The following SERINC5 variants were observed in gnomAD, a reference collection of about 807,000 sequenced individuals.
The protein encoded by SERINC5 is serine incorporator 5, also known as chromosome 5 open reading frame 12.
SERINC5 carries 41 observed loss-of-function variants against 63.1 expected under a neutral mutation model. The observed-to-expected ratio is 0.65, with a 90% CI of 0.51 to 0.84. SERINC5 has a LOEUF of 0.84. Among genes scored for constraint, SERINC5 ranks in the 40% least tolerant of loss-of-function variants. SERINC5 has a pLI of 0.00. For missense variants in SERINC5, 523 were observed against 573.0 expected, an observed-to-expected ratio of 0.91 and a Z score of 0.89; for synonymous variants, 222 against 215.2, an observed-to-expected ratio of 1.03 and a Z score of -0.28.
chr5:80,198,837 G>A (rs1190476617), intron 2 of SERINC5, among the ~76,000 whole-genome samples: 2 of 152,210 alleles, frequency 1.3e-5, no homozygotes, highest in South Asian at 4.1e-4. Context: ...CATTCCCTAC[G>A]CAGGACACCC....
At position 80,181,094 on chromosome 5, in the gene SERINC5, C is replaced by A. The variant is rs1748386739; in HGVS notation, c.196-3030G>T. Among the ~76,000 whole-genome samples the A allele has an allele frequency of 2.6e-5, 4 of 152,242 alleles. No homozygotes were observed. The South Asian group carries it at 8.3e-4, about 32-fold the overall frequency. ...GCTTTGACACAAGGTTGGGAAGTCG[C>A]AGCTATCTACTGGGCAGGGGGGCAA... On this transcript the variant is annotated intron_variant, in intron 2 of 11. Transcript: ENST00000507668.
chr5:80,128,207 TA>T (rs1744816535), intron 11 of SERINC5, among the ~76,000 whole-genome samples: 1 of 152,216 alleles, frequency 6.6e-6, no homozygotes, highest in African/African-American at 2.4e-5. Context: ...TTTCTGGCAA[TA>T]AGAAGATATT....
chr5:80,188,505 T>C (rs904449717), intron 2 of SERINC5, among the ~76,000 whole-genome samples: 8 of 152,070 alleles, frequency 5.3e-5, no homozygotes, highest in Non-Finnish European at 1.2e-4. Context: ...TCTAGACCCT[T>C]TGCTGTGCCA....
chr5:80,187,123 G>A (rs1026978439), intron 2 of SERINC5, among the ~76,000 whole-genome samples: 6 of 151,956 alleles, frequency 3.9e-5, no homozygotes, highest in African/African-American at 1.5e-4. Flanking sequence ...CTGAGATCAC[G>A]CCACTGCACT....
intron 11 of SERINC5, among the ~76,000 whole-genome samples, chr5:80,129,797 A>C (rs1744871877): frequency 6.6e-6 from 1 of 152,212 alleles, no homozygotes. Flanking sequence ...AATAGTTGAA[A>C]CTATTATTAA....
intron 2 of SERINC5, chr5:80,198,663 G>T: frequency 1.0e-6 from 1 of 985,394 alleles, no homozygotes; most frequent in Non-Finnish European, 1.2e-6. Context: ...CCCAGTGTGC[G>T]TCCCTACAAG....
chr5:80,242,945 T>C, intron 1 of SERINC5, among the ~76,000 whole-genome samples: 1 of 152,178 alleles, frequency 6.6e-6, no homozygotes, highest in Admixed American at 6.6e-5. Context: ...ATTGTTACAT[T>C]TCTTCCCTGC....
Position 80,198,615 on chromosome 5 carries a change from C to T in SERINC5, c.195+4271G>A, listed in dbSNP as rs149349866. On this transcript the variant is annotated intron_variant, in intron 2 of 11. Transcript: ENST00000507668. ...TTCCAGTCACAGTCTCAGGCACTTC[C>T]ACGGCCAACAAAGAGGGGGTAAGGA... 39 of 985,426 alleles carry T rather than the reference C, an allele frequency of 4.0e-5. No individual in the cohort carries two copies. The African/African-American group carries it at 5.1e-4, about 13-fold the overall frequency. The allele number at this position is 985,426 out of a possible 1,614,324, so 61.0% of individuals were successfully genotyped here. A position where few individuals can be genotyped will look rare whatever the true frequency, so the allele number is the denominator to read the frequency against.
Position 80,143,527 on chromosome 5 carries a change from A to AC in SERINC5, c.*135_*136insG. 9.2e-7 allele frequency: 1 copy of AC among 1,084,136 alleles called. No individual in the cohort carries two copies. 67.2% of individuals were successfully genotyped at this position (1,084,136 alleles called of 1,614,324 possible). ...TCAAAAGTAAAAAGCTAATCAGGAGATTTTTTTTTTTCTCTCTCAAAGCTT... is the reference window on the plus strand; with the variant it reads ...TCAAAAGTAAAAAGCTAATCAGGAGACTTTTTTTTTTTCTCTCTCAAAGCTT... On this transcript the variant is annotated 3_prime_UTR_variant, in exon 12 of 12. Transcript: ENST00000507668.
intron 1 of SERINC5, among the ~76,000 whole-genome samples, chr5:80,237,861 T>C (rs1219533732): frequency 4.0e-5 from 6 of 151,626 alleles, no homozygotes; most frequent in African/African-American, 1.5e-4. Flanking sequence ...CCCAGCACTT[T>C]GGGGAGGCCA....
intron 1 of SERINC5, among the ~76,000 whole-genome samples, chr5:80,224,903 C>T (rs1386177006): frequency 1.4e-5 from 2 of 148,112 alleles, no homozygotes; most frequent in African/African-American, 2.5e-5. Context: ...GAATTACAGG[C>T]GTGAGCCATC....
At chr5:80,200,391 CAGG>C (rs1376287585) in intron 2 of SERINC5, among the ~76,000 whole-genome samples, 1 of 151,144 alleles carries the variant, frequency 6.6e-6, no homozygotes, top group Non-Finnish European at 1.5e-5. Flanking sequence ...GAGGCTGAGG[CAGG>C]AGAATGGCGT....
chr5:80,253,696 G>A lies in SERINC5; in HGVS notation c.27+2200C>T, dbSNP rs575156802. ...CACAGGCATCTTCTCAGACTCCCTC[G>A]GCAACCCTCCTCAAGGCTGCTTACC... On this transcript the variant is annotated intron_variant, in intron 1 of 11. Transcript: ENST00000507668. Among the ~76,000 whole-genome samples, 8 of 152,092 alleles carry A rather than the reference G, an allele frequency of 5.3e-5. No individual in the cohort carries two copies. In the South Asian group the frequency reaches 1.5e-3, roughly 28 times the overall value.
At chr5:80,112,097 T>C (rs913893338) in intron 12 of SERINC5, among the ~76,000 whole-genome samples, 8 of 152,054 alleles carry the variant, frequency 5.3e-5, no homozygotes, top group Non-Finnish European at 7.4e-5. Context: ...CCTCATGGGA[T>C]GGGAAAGACC....
In SERINC5 at chr5:80,138,776, T is replaced by C. The variant is rs1745329012; in HGVS notation, c.*4887A>G. The C allele has an allele frequency of 5.1e-6, 5 of 976,216 alleles. No homozygotes were observed. The highest frequency in any genetic ancestry group is 6.1e-6 in the Non-Finnish European group (5 of 821,578). The allele number at this position is 976,216 out of a possible 1,614,324, so 60.5% of individuals were successfully genotyped here. ...TTATTTGTCAATTAAAGGATCAGCA[T>C]AGACTCCATGAAACTTGAGAGACCT... On this transcript the variant is annotated 3_prime_UTR_variant, in exon 12 of 12. Coordinates refer to ENST00000507668, the MANE Select transcript of SERINC5 (RefSeq NM_001174072.3).
chr5:80,237,546 G>A (rs145738302), intron 1 of SERINC5, among the ~76,000 whole-genome samples: 136 of 151,380 alleles, frequency 9.0e-4, no homozygotes, highest in African/African-American at 3.1e-3. Flanking sequence ...TGTTGCCCAG[G>A]CTGGTATCGA....
intron 1 of SERINC5, among the ~76,000 whole-genome samples, chr5:80,222,561 A>AGTGTGTGT (rs752186814): frequency 0.081 from 11,892 of 146,010 alleles, 517 homozygotes; most frequent in Non-Finnish European, 0.098. Flanking sequence ...TGAGTGTGTG[A>AGTGTGTGT]GTGTGTGAGT....
At chr5:80,202,815 TA>T in intron 2 of SERINC5, 70 bp downstream of exon 2, 1 of 1,480,470 alleles carries the variant, frequency 6.8e-7, no homozygotes, top group Non-Finnish European at 9.2e-7. Flanking sequence ...CCCCATCTTC[TA>T]AATCATGTTT....
intron 1 of SERINC5, among the ~76,000 whole-genome samples, chr5:80,222,569 AGTGTGT>A (rs1014120974): frequency 2.3e-5 from 3 of 132,074 alleles, no homozygotes; most frequent in Non-Finnish European, 3.5e-5. Flanking sequence ...TGAGTGTGTG[AGTGTGT>A]GTGTGTGTGT....
Sources: gnomAD v4.1 joint callset for allele counts (sites outside exome capture counted in the v4.1 genomes callset) on GRCh38, gnomAD v4.1.1 for gene constraint, MANE v1.5 for transcripts, NCBI Gene and HGNC (gene_info 2026-07-23, HGNC 2026-07-21) for gene names.